Variants in HTR3B observed in about 807,000 individuals in gnomAD.
HTR3B encodes the protein 5-hydroxytryptamine (serotonin) receptor 3B, ionotropic.
HTR3B carries 44 observed loss-of-function variants against 42.8 expected under a neutral mutation model. The ratio of observed to expected loss-of-function variants is 1.03; its 90% confidence interval spans 0.81 to 1.32. The LOEUF (loss-of-function observed/expected upper bound fraction) is 1.32. HTR3B is among the 40% of genes most tolerant of loss of function. The pLI, the probability that HTR3B is intolerant of heterozygous loss-of-function variation, is 0.00. For missense variants in HTR3B, 527 were observed against 536.5 expected (o/e 0.98, Z 0.17); for synonymous variants, 203 against 209.0 (o/e 0.97, Z 0.25).
At chr11:113,926,274 T>C (rs374601447) in intron 2 of HTR3B, among the ~76,000 whole-genome samples, 1 of 152,196 alleles carries the variant, frequency 6.6e-6, no homozygotes, top group African/African-American at 2.4e-5. Flanking sequence ...AGTCGATAGA[T>C]GTTTATATTG....
intron 2 of HTR3B, among the ~76,000 whole-genome samples, chr11:113,921,764 G>A (rs1362455941): frequency 6.6e-6 from 1 of 152,082 alleles, no homozygotes; most frequent in Non-Finnish European, 1.5e-5. Context: ...TTCCTACCCT[G>A]ACAAAAGAAA....
chr11:113,909,202 AG>A, intron 1 of HTR3B, 92 bp from the exon 2 acceptor site: 1 of 958,336 alleles, frequency 1.0e-6, no homozygotes, highest in Non-Finnish European at 1.7e-6. Flanking sequence ...GCTATATTCT[AG>A]TAAAAGCCAC....
At position 113,946,764 on chromosome 11, in the gene HTR3B, T is replaced by C. The variant is rs1056913373; in HGVS notation, c.*627T>C. On this transcript the variant is annotated 3_prime_UTR_variant, in exon 9 of 9. Coordinates refer to ENST00000260191, the MANE Select transcript of HTR3B (RefSeq NM_006028.5). ...CTAGGCACACACATGCATCTATGTA[T>C]GGTTAAGCAGTTTTTTAAAAAGTGT... Among the ~76,000 whole-genome samples the C allele has an allele frequency of 6.6e-6, 1 of 152,250 alleles. No homozygotes were observed. Among genetic ancestry groups the C allele is most frequent in the Non-Finnish European group, 1.5e-5 (1 of 68,042 alleles).
At chr11:113,939,791 C>T (rs1054580747) in intron 6 of HTR3B, among the ~76,000 whole-genome samples, 19 of 151,992 alleles carry the variant, frequency 1.3e-4, no homozygotes, top group African/African-American at 4.6e-4. Flanking sequence ...AGGAGGAAAT[C>T]AAGGCATGGA....
intron 2 of HTR3B, among the ~76,000 whole-genome samples, chr11:113,910,894 A>G (rs1048919074): frequency 6.6e-6 from 1 of 150,904 alleles, no homozygotes; most frequent in African/African-American, 2.4e-5. Context: ...CAGTGGCACA[A>G]TCTCTGCTCA....
chr11:113,907,004 C>G (rs540971203), intron 1 of HTR3B, among the ~76,000 whole-genome samples: 7 of 152,146 alleles, frequency 4.6e-5, no homozygotes, highest in African/African-American at 1.7e-4. Flanking sequence ...GTGACTAAAG[C>G]AAGAATAGTG....
intron 2 of HTR3B, among the ~76,000 whole-genome samples, chr11:113,917,436 ATCT>A (rs1949866632): frequency 6.6e-6 from 1 of 152,042 alleles, no homozygotes; most frequent in Non-Finnish European, 1.5e-5. Context: ...CCCGGCCGAA[ATCT>A]TCTATTTTTT....
At chr11:113,911,417 A>G (rs7943925) in intron 2 of HTR3B, among the ~76,000 whole-genome samples, 58,270 of 151,498 alleles carry the variant, frequency 0.38, 11,878 homozygotes, top group African/African-American at 0.51. Flanking sequence ...TTTAGTAGAG[A>G]TGGGGTTTCA....
At chr11:113,930,881 A>T (rs562418623) in intron 2 of HTR3B, among the ~76,000 whole-genome samples, 1 of 152,332 alleles carries the variant, frequency 6.6e-6, no homozygotes, top group East Asian at 1.9e-4. Flanking sequence ...TATATCATTT[A>T]AAATATGTTT....
chr11:113,917,749 C>T (rs778444978), intron 2 of HTR3B, among the ~76,000 whole-genome samples: 55 of 151,998 alleles, frequency 3.6e-4, no homozygotes, highest in Non-Finnish European at 6.6e-4. Context: ...GGACTACAGG[C>T]ACATGCCACC....
At chr11:113,942,429 A>G (rs899655909) in intron 6 of HTR3B, among the ~76,000 whole-genome samples, 5 of 152,182 alleles carry the variant, frequency 3.3e-5, no homozygotes, top group African/African-American at 9.7e-5. Flanking sequence ...ATTGCACTCT[A>G]GCCTGGGCAA....
At chr11:113,933,301 ACAGACACCAGAGGCCTGGTATT>A (rs1240195163) in intron 6 of HTR3B, among the ~76,000 whole-genome samples, 1 of 152,098 alleles carries the variant, frequency 6.6e-6, no homozygotes, top group East Asian at 1.9e-4. Context: ...CCAGAAGATA[ACAGACACCAGAGGCCTGGTATT>A]CAGACACCAG....
In HTR3B at chr11:113,943,079, C is replaced by G. The variant is rs1467008626; in HGVS notation, c.794C>G (p.Pro265Arg). 3 of 1,614,032 alleles carry G rather than the reference C, an allele frequency of 1.9e-6. No homozygotes were observed. The highest frequency in any genetic ancestry group is 2.5e-6 in the Non-Finnish European group (3 of 1,179,994). The change falls in exon 7 of 9, where the codon CCC becomes CGC. Residue 265 changes from proline (P) to arginine (R), a missense_variant. Pro to Arg is a moderately radical substitution (Grantham distance 103). Coordinates refer to ENST00000260191, the MANE Select transcript of HTR3B (RefSeq NM_006028.5). ...LVDLGSFYLP[P>R]NCRARIVFKT... ...GACCTGGGGAGCTTCTACCTGCCACCCAACTGCCGAGCCAGGATTGTGTTC... is the reference window on the plus strand; with the variant it reads ...GACCTGGGGAGCTTCTACCTGCCACGCAACTGCCGAGCCAGGATTGTGTTC...
upstream of HTR3B, among the ~76,000 whole-genome samples, chr11:113,903,158 A>G (rs1949707231): frequency 6.6e-6 from 1 of 151,988 alleles, no homozygotes; most frequent in Non-Finnish European, 1.5e-5. Context: ...GGTATGAGCC[A>G]TTGCACCTGG....
At chr11:113,920,947 G>A (rs1949905770) in intron 2 of HTR3B, among the ~76,000 whole-genome samples, 2 of 151,486 alleles carry the variant, frequency 1.3e-5, no homozygotes, top group South Asian at 4.2e-4. Flanking sequence ...CAAGTAGCTG[G>A]GATTACAGGT....
chr11:113,935,881 T>C (rs2137528822), intron 6 of HTR3B, among the ~76,000 whole-genome samples: 2 of 152,260 alleles, frequency 1.3e-5, no homozygotes, highest in East Asian at 3.9e-4. Context: ...GCCCTTGGCC[T>C]GAGGTACACT....
intron 6 of HTR3B, among the ~76,000 whole-genome samples, chr11:113,934,906 T>G (rs1280577566): frequency 6.6e-6 from 1 of 151,990 alleles, no homozygotes; most frequent in East Asian, 1.9e-4. Context: ...ACATGCAAGG[T>G]GGAACATAGT....
At chr11:113,921,772 A>G (rs1949917411) in intron 2 of HTR3B, among the ~76,000 whole-genome samples, 1 of 152,214 alleles carries the variant, frequency 6.6e-6, no homozygotes, top group African/African-American at 2.4e-5. Context: ...CTGACAAAAG[A>G]AAGTAAAATC....
intron 6 of HTR3B, among the ~76,000 whole-genome samples, chr11:113,933,642 A>G (rs1316323927): frequency 6.6e-6 from 1 of 152,126 alleles, no homozygotes; most frequent in Non-Finnish European, 1.5e-5. Flanking sequence ...CCTCAAAATT[A>G]TGATGGGAAC....
Sources: gnomAD v4.1 joint callset for allele counts (sites outside exome capture counted in the v4.1 genomes callset) on GRCh38, gnomAD v4.1.1 for gene constraint, MANE v1.5 for transcripts, NCBI Gene and HGNC (gene_info 2026-07-23, HGNC 2026-07-21) for gene names.